DGKD: variants seen among roughly 807,000 people sequenced by gnomAD.
DGKD encodes DAG kinase delta.
In DGKD, 68 loss-of-function variants were observed where a neutral mutation model predicts 154.4. The ratio of observed to expected loss-of-function variants is 0.44; its 90% CI spans 0.36 to 0.54. The LOEUF (loss-of-function observed/expected upper bound fraction) is 0.54. Ranked by LOEUF, DGKD falls within the 20% of genes least tolerant of loss-of-function variation. The pLI, the probability that DGKD is intolerant of heterozygous loss-of-function variation, is 0.00. For synonymous variants in DGKD, 693 were observed against 638.0 expected, an observed-to-expected ratio of 1.09 and a Z score of -1.30; for missense variants, 1,343 against 1,593.6, an observed-to-expected ratio of 0.84 and a Z score of 2.68.
At chr2:233,422,042 C>T (rs1231052653) in intron 3 of DGKD, among the ~76,000 whole-genome samples, 1 of 152,172 alleles carries the variant, frequency 6.6e-6, no homozygotes, top group Non-Finnish European at 1.5e-5. Flanking sequence ...CCTTGAGGCC[C>T]CCTAAGTGTG....
intron 3 of DGKD, chr2:233,391,922 ATTTT>A (rs1703646961): frequency 6.6e-6 from 1 of 152,168 alleles, no homozygotes; most frequent in South Asian, 2.1e-4. Context: ...GGGAAGAGAC[ATTTT>A]TAACCACATA....
chr2:233,425,013 T>C (rs933057367), intron 3 of DGKD, among the ~76,000 whole-genome samples: 2 of 152,166 alleles, frequency 1.3e-5, no homozygotes, highest in Non-Finnish European at 2.9e-5. Context: ...TCCCAGGACA[T>C]GGGAGGACAT....
At chr2:233,447,180 G>A (rs916153875) in intron 12 of DGKD, among the ~76,000 whole-genome samples, 13 of 104,304 alleles carry the variant, frequency 1.2e-4, no homozygotes, top group Admixed American at 4.3e-4. Context: ...GCTCTGCCGC[G>A]GCTCTCCCCT....
At chr2:233,432,954 C>T (rs754485104) in intron 3 of DGKD, among the ~76,000 whole-genome samples, 1 of 152,022 alleles carries the variant, frequency 6.6e-6, no homozygotes, top group Non-Finnish European at 1.5e-5. Context: ...CAAATGCTGG[C>T]GAGGATGTGG....
At position 233,452,147 on chromosome 2, in the gene DGKD, T is replaced by C; in HGVS notation, c.2264+87T>C. 7.9e-7 allele frequency: 1 copy of C among 1,261,706 alleles called. No individual in the cohort carries two copies. The highest frequency in any genetic ancestry group is 1.2e-6 in the Non-Finnish European group (1 of 867,794). 78.2% of individuals were successfully genotyped at this position (1,261,706 alleles called of 1,614,324 possible). A position where few individuals can be genotyped will look rare whatever the true frequency, so the allele number is the denominator to read the frequency against. On this transcript the variant is annotated intron_variant, in intron 18 of 29. Coordinates refer to ENST00000264057, the MANE Select transcript of DGKD (RefSeq NM_152879.3). This position sits in a 1 kb window ranked among gnomAD's most constrained non-coding sequence, Gnocchi z 4.0. Reference sequence around the variant, plus strand: ...AGATCTCAGGATTAACTAGAGAAATTAGTGAGCAGTTGCCCAGCTGGTGGT... The same window carrying C: ...AGATCTCAGGATTAACTAGAGAAATCAGTGAGCAGTTGCCCAGCTGGTGGT...
chr2:233,457,537 G>A lies in DGKD; in HGVS notation c.2580+209G>A. 1.5e-6 allele frequency: 1 copy of A among 664,980 alleles called. No homozygotes were observed. The highest frequency in any genetic ancestry group is 2.8e-6 in the Non-Finnish European group (1 of 360,190). The allele number at this position is 664,980 out of a possible 1,614,324, so 41.2% of individuals were successfully genotyped here. A position where few individuals can be genotyped will look rare whatever the true frequency, so the allele number is the denominator to read the frequency against. ...GCAGTTGTGTCAGTGAAGGTGGTCA[G>A]TGAGGGTCTGTGGTCAGCAGATGTG... On this transcript the variant is annotated intron_variant, in intron 21 of 29. Transcript: ENST00000264057. The surrounding 1 kb of genome is among the most constrained non-coding windows in gnomAD (Gnocchi z 5.5).
At chr2:233,451,181 A>AT (rs759488510) in intron 17 of DGKD, 131 bp downstream of exon 17, 78 of 817,954 alleles carry the variant, frequency 9.5e-5, no homozygotes, top group Non-Finnish European at 1.2e-4. Context: ...GAATTGAAAA[A>AT]TTTACACGAC....
At chr2:233,365,232 C>CT (rs200215730) in intron 1 of DGKD, among the ~76,000 whole-genome samples, 277 of 143,292 alleles carry the variant, frequency 1.9e-3, no homozygotes, top group Middle Eastern at 3.6e-3. Context: ...AAGAACGGAA[C>CT]TTTTTTTTTT....
intron 3 of DGKD, among the ~76,000 whole-genome samples, chr2:233,393,051 C>G (rs750053182): frequency 7.2e-5 from 11 of 152,146 alleles, no homozygotes; most frequent in Non-Finnish European, 1.2e-4. Context: ...GAATCTTGCT[C>G]TGTTGCCCAG....
chr2:233,469,536 C>CCACA lies in DGKD; in HGVS notation c.*76_*77insCACA. On this transcript the variant is annotated 3_prime_UTR_variant, in exon 30 of 30. Transcript: ENST00000264057. ...CCTCCGCCCTCTCAGCCTGTGGCCT[C>CCACA]TGCGCCTCCTGCCACTGAGGCCCTG... 7.8e-7 allele frequency: 1 copy of CCACA among 1,286,268 alleles called. No homozygotes were observed. The highest frequency in any genetic ancestry group is 1.1e-6 in the Non-Finnish European group (1 of 914,568). 79.7% of individuals were successfully genotyped at this position (1,286,268 alleles called of 1,614,324 possible).
At chr2:233,356,203 T>G (rs1448996861) in intron 1 of DGKD, among the ~76,000 whole-genome samples, 1 of 152,206 alleles carries the variant, frequency 6.6e-6, no homozygotes, top group African/African-American at 2.4e-5. Context: ...TATTTGAACC[T>G]TGCGTCTAGA....
At chr2:233,454,565 CTG>C in intron 18 of DGKD, 196 bp from the exon 19 acceptor site, 1 of 561,146 alleles carries the variant, frequency 1.8e-6, no homozygotes, top group Non-Finnish European at 3.3e-6. Context: ...TTAAATGACT[CTG>C]AATATACTAA....
Position 233,456,892 on chromosome 2 carries a change from T to C in DGKD, c.2376-7T>C. ...GACCTATGGCAAGTCTTTGCTTCTG[T>C]TTCTAGGAGCCGAACCAAGAACATG... On this transcript the variant is annotated splice_region_variant and splice_polypyrimidine_tract_variant and intron_variant, in intron 19 of 29. Transcript: ENST00000264057. The C allele has an allele frequency of 6.2e-7, 1 of 1,612,462 alleles. No homozygotes were observed. The highest frequency in any genetic ancestry group is 8.5e-7 in the Non-Finnish European group (1 of 1,178,508).
intron 3 of DGKD, among the ~76,000 whole-genome samples, chr2:233,430,766 G>A (rs2062481839): frequency 6.6e-6 from 1 of 152,140 alleles, no homozygotes; most frequent in Non-Finnish European, 1.5e-5. Flanking sequence ...TTTATACCCT[G>A]TTTACCTCCT....
intron 3 of DGKD, among the ~76,000 whole-genome samples, chr2:233,399,799 G>A (rs1332714353): frequency 1.3e-5 from 2 of 152,162 alleles, no homozygotes; most frequent in Non-Finnish European, 2.9e-5. Context: ...GTGCAGAGGG[G>A]CCTTTCCCCC....
At chr2:233,429,318 C>T in intron 3 of DGKD, 1 of 985,186 alleles carries the variant, frequency 1.0e-6, no homozygotes, top group Non-Finnish European at 1.2e-6. Flanking sequence ...TTATCTTTCT[C>T]TTACTATATT....
At chr2:233,390,337 G>T in intron 2 of DGKD, 66 bp from the exon 3 acceptor site, 2 of 1,258,184 alleles carry the variant, frequency 1.6e-6, no homozygotes, top group South Asian at 1.3e-5. Context: ...GGTGGGCAGC[G>T]CTGGCTAGTG....
chr2:233,460,383 C>T (rs2063589603), intron 24 of DGKD, 38 bp downstream of exon 24: 1 of 1,608,946 alleles, frequency 6.2e-7, no homozygotes, highest in Non-Finnish European at 8.5e-7. Flanking sequence ...ATGAGCCTCC[C>T]CCAGGGTCCC....
At chr2:233,454,660 G>A (rs531547789) in intron 18 of DGKD, 103 bp from the exon 19 acceptor site, 1 of 675,524 alleles carries the variant, frequency 1.5e-6, no homozygotes, top group South Asian at 1.9e-5. Flanking sequence ...AAAAGAAAAA[G>A]TTACCAGTTT....
Sources: gnomAD v4.1 joint callset for allele counts (sites outside exome capture counted in the v4.1 genomes callset) on GRCh38, gnomAD v4.1.1 for gene constraint, Gnocchi (gnomAD v3.1) non-coding constraint, MANE v1.5 for transcripts, NCBI Gene and HGNC (gene_info 2026-07-23, HGNC 2026-07-21) for gene names.